Variants in EHBP1 observed in about 807,000 individuals in gnomAD.
EHBP1 encodes EH domain-binding protein 1.
EHBP1 carries 55 observed loss-of-function variants against 144.0 expected under a neutral mutation model. That is an observed-to-expected ratio of 0.38 (90% CI 0.31 to 0.48). EHBP1 has a LOEUF of 0.48. Among genes scored for constraint, EHBP1 ranks in the 20% least tolerant of loss-of-function variants. The pLI, the probability that EHBP1 is intolerant of heterozygous loss-of-function variation, is 0.98. For synonymous variants in EHBP1, 469 were observed against 472.7 expected, an observed-to-expected ratio of 0.99 and a Z score of 0.10; for missense variants, 1,200 against 1,364.2, an observed-to-expected ratio of 0.88 and a Z score of 1.90.
intron 2 of EHBP1, among the ~76,000 whole-genome samples, chr2:62,716,562 CAT>C (rs1182752790): frequency 2.6e-5 from 4 of 152,138 alleles, no homozygotes; most frequent in African/African-American, 9.7e-5. Flanking sequence ...TGGCAATACA[CAT>C]GTGTCTCAAG....
intron 10 of EHBP1, among the ~76,000 whole-genome samples, chr2:62,890,534 C>T (rs1181338185): frequency 6.6e-6 from 1 of 152,094 alleles, no homozygotes; most frequent in Non-Finnish European, 1.5e-5. Context: ...ATTTGGCTGT[C>T]AGCTCGACTG....
intron 1 of EHBP1, among the ~76,000 whole-genome samples, chr2:62,675,214 C>T (rs1372486923): frequency 1.3e-5 from 2 of 152,154 alleles, no homozygotes; most frequent in Non-Finnish European, 2.9e-5. Flanking sequence ...TCCAGAGTAG[C>T]CTGTAGGGTA....
chr2:62,735,740 C>G (rs1017838451), intron 2 of EHBP1, among the ~76,000 whole-genome samples: 1 of 152,040 alleles, frequency 6.6e-6, no homozygotes, highest in African/African-American at 2.4e-5. Context: ...TTTTGTTTGT[C>G]TGAGAAAGTC....
intron 10 of EHBP1, among the ~76,000 whole-genome samples, chr2:62,875,584 GTCT>G (rs2050829706): frequency 2.0e-5 from 3 of 152,172 alleles, no homozygotes; most frequent in African/African-American, 7.2e-5. Flanking sequence ...AAAACCCAGT[GTCT>G]TCTTACCTCA....
At chr2:62,885,168 G>A (rs2051821751) in intron 10 of EHBP1, among the ~76,000 whole-genome samples, 1 of 152,188 alleles carries the variant, frequency 6.6e-6, no homozygotes, top group South Asian at 2.1e-4. Context: ...TCAGCCAGAT[G>A]ATTGATTTCT....
At chr2:63,025,490 T>G (rs565393586) in intron 19 of EHBP1, among the ~76,000 whole-genome samples, 1 of 152,358 alleles carries the variant, frequency 6.6e-6, no homozygotes, top group Admixed American at 6.5e-5. Flanking sequence ...CTTGAACTCC[T>G]GAGCTTAAAT....
At chr2:62,841,087 A>T (rs1402678415) in intron 7 of EHBP1, among the ~76,000 whole-genome samples, 1 of 152,180 alleles carries the variant, frequency 6.6e-6, no homozygotes, top group Non-Finnish European at 1.5e-5. Flanking sequence ...CTTGGAACCA[A>T]GCCAAATGTC....
intron 2 of EHBP1, among the ~76,000 whole-genome samples, chr2:62,746,398 A>G (rs572543221): frequency 1.3e-5 from 2 of 152,104 alleles, no homozygotes; most frequent in East Asian, 1.9e-4. Context: ...GTATATATAT[A>G]TATGTATTTA....
In EHBP1 at chr2:62,912,624, A is replaced by G. The variant is rs549618592; in HGVS notation, c.1186-30094A>G. Among the ~76,000 whole-genome samples the G allele has an allele frequency of 7.2e-5, 11 of 152,318 alleles. No homozygotes were observed. In the East Asian group the frequency reaches 1.4e-3, roughly 19 times the overall value. ...TGCCCATCTTTCAAGTTGAGATACAACAAGTATAGTTGAATCTTCCTGTGT... is the reference window on the plus strand; with the variant it reads ...TGCCCATCTTTCAAGTTGAGATACAGCAAGTATAGTTGAATCTTCCTGTGT... On this transcript the variant is annotated intron_variant, in intron 10 of 22. Transcript: ENST00000431489.
intron 5 of EHBP1, among the ~76,000 whole-genome samples, chr2:62,811,953 G>T (rs2045046675): frequency 6.6e-6 from 1 of 152,190 alleles, no homozygotes; most frequent in African/African-American, 2.4e-5. Context: ...ATGCAACAGT[G>T]TTGAGAGGTG....
intron 19 of EHBP1, among the ~76,000 whole-genome samples, chr2:63,035,865 C>T (rs2061423035): frequency 6.6e-6 from 1 of 152,000 alleles, no homozygotes; most frequent in Non-Finnish European, 1.5e-5. Flanking sequence ...GCCTATATCA[C>T]ATGACCAGTG....
chr2:62,692,006 T>A (rs2033922931), intron 1 of EHBP1, among the ~76,000 whole-genome samples: 1 of 152,184 alleles, frequency 6.6e-6, no homozygotes, highest in African/African-American at 2.4e-5. Context: ...CTATGTAATT[T>A]TAGGTCATTT....
At chr2:63,033,053 A>G (rs1298044555) in intron 19 of EHBP1, among the ~76,000 whole-genome samples, 3 of 152,208 alleles carry the variant, frequency 2.0e-5, no homozygotes, top group African/African-American at 7.2e-5. Flanking sequence ...TATTTTCATA[A>G]TATAGCTCTA....
rs202064290 is a variant in EHBP1, at chr2:63,000,461, C to T, written c.3103+3695C>T. Among the ~76,000 whole-genome samples, 9 of 151,652 alleles carry T rather than the reference C, an allele frequency of 5.9e-5. 1 individual carries two copies. In the East Asian group the frequency reaches 9.7e-4, roughly 16 times the overall value. ...CTGTAATCCCAGCACTTTGGGAGGCCGAGACAGGTGGATCACCTGAGGTCT... is the reference window on the plus strand; with the variant it reads ...CTGTAATCCCAGCACTTTGGGAGGCTGAGACAGGTGGATCACCTGAGGTCT... On this transcript the variant is annotated intron_variant, in intron 19 of 22. Transcript: ENST00000431489.
chr2:62,896,493 A>G (rs1228414997), intron 10 of EHBP1, among the ~76,000 whole-genome samples: 1 of 152,106 alleles, frequency 6.6e-6, no homozygotes. Flanking sequence ...TCTACCGTAC[A>G]TTTTATTTTA....
chr2:62,982,601 G>T (rs539716636), intron 15 of EHBP1, among the ~76,000 whole-genome samples: 6 of 152,304 alleles, frequency 3.9e-5, no homozygotes, highest in African/African-American at 1.4e-4. Context: ...CTAAGGAGTA[G>T]TGTGAAAGGA....
At chr2:62,823,398 T>C (rs935870046) in intron 5 of EHBP1, among the ~76,000 whole-genome samples, 2 of 152,104 alleles carry the variant, frequency 1.3e-5, no homozygotes, top group African/African-American at 4.8e-5. Context: ...TCTTGTTCTT[T>C]TGTCCAACCC....
intron 1 of EHBP1, among the ~76,000 whole-genome samples, chr2:62,687,045 C>T (rs752851198): frequency 3.3e-5 from 5 of 152,192 alleles, no homozygotes; most frequent in Admixed American, 1.3e-4. Flanking sequence ...ACTGCCAACC[C>T]AAAGTCTACG....
At chr2:62,780,291 G>T (rs1426215307) in intron 5 of EHBP1, among the ~76,000 whole-genome samples, 1 of 152,052 alleles carries the variant, frequency 6.6e-6, no homozygotes, top group Non-Finnish European at 1.5e-5. Flanking sequence ...GGTTCAGACA[G>T]GCTTTTTTAG....
Sources: allele counts gnomAD v4.1 joint callset (sites outside exome capture counted in the v4.1 genomes callset), GRCh38; gene constraint gnomAD v4.1.1; transcripts MANE v1.5; gene names NCBI Gene and HGNC (gene_info 2026-07-23, HGNC 2026-07-21).